Variants in ATP8A1 observed in about 807,000 individuals in gnomAD.
ATP8A1 encodes phospholipid-transporting ATPase IA.
In ATP8A1, 90 loss-of-function variants were observed where a neutral mutation model predicts 177.7. The observed-to-expected ratio is 0.51, with a 90% confidence interval of 0.43 to 0.60. The LOEUF is 0.60. Among genes scored for constraint, ATP8A1 ranks in the 20% least tolerant of loss-of-function variants. ATP8A1 has a pLI of 0.00. For missense variants in ATP8A1, 1,072 were observed against 1,392.8 expected (o/e 0.77, Z 3.67); for synonymous variants, 493 against 485.9 (o/e 1.01, Z -0.19).
In ATP8A1 at chr4:42,627,038, T is replaced by A. The variant is rs777718313; in HGVS notation, c.121A>T (p.Ile41Phe). The A allele has an allele frequency of 5.6e-6, 9 of 1,614,132 alleles. No individual in the cohort carries two copies. The highest frequency in any genetic ancestry group is 5.5e-5 in the South Asian group (5 of 91,074). The change falls in exon 2 of 37, where the codon ATC becomes TTC. Residue 41 changes from isoleucine (I) to phenylalanine (F), a missense_variant. By Grantham distance (21) the Ile-to-Phe change is conservative (BLOSUM62 0). Coordinates refer to ENST00000381668, the MANE Select transcript of ATP8A1 (RefSeq NM_006095.2). ...ADQEEVRTIF[I>F]NQPQLTKFCN... is the part of the protein sequence containing the mutation. Reference sequence around the variant, plus strand: ...AATTTTGTCAGCTGGGGCTGGTTGATGAAAATAGTCCTTACTTCCTCCTGG... The same window carrying A: ...AATTTTGTCAGCTGGGGCTGGTTGAAGAAAATAGTCCTTACTTCCTCCTGG...
intron 20 of ATP8A1, among the ~76,000 whole-genome samples, chr4:42,528,210 A>G (rs1037773248): frequency 9.9e-5 from 15 of 152,280 alleles, no homozygotes; most frequent in Admixed American, 9.2e-4. Context: ...TGGCATAGAC[A>G]TACTTAGCAA....
At chr4:42,656,581 C>T (rs1480381596) in intron 1 of ATP8A1, among the ~76,000 whole-genome samples, 2 of 152,102 alleles carry the variant, frequency 1.3e-5, no homozygotes, top group Non-Finnish European at 2.9e-5. Flanking sequence ...GGTCACACTG[C>T]GGTGCAAAGC....
Position 42,600,449 on chromosome 4 carries a change from C to T in ATP8A1, c.450+29G>A, listed in dbSNP as rs374138844. The T allele has an allele frequency of 2.1e-5, 33 of 1,592,272 alleles. No individual in the cohort carries two copies. The Admixed American group carries it at 5.7e-4, about 27-fold the overall frequency. ...GAGTACACCGCTATGTATTTCTTCTCCTGGAACAAAATAAAAATCAGTGCA... is the reference window on the plus strand; with the variant it reads ...GAGTACACCGCTATGTATTTCTTCTTCTGGAACAAAATAAAAATCAGTGCA... On this transcript the variant is annotated intron_variant, in intron 6 of 36. Transcript: ENST00000381668.
At chr4:42,506,707 G>A (rs1277227365) in intron 23 of ATP8A1, among the ~76,000 whole-genome samples, 2 of 152,294 alleles carry the variant, frequency 1.3e-5, no homozygotes, top group South Asian at 4.1e-4. Context: ...AAAACATGGG[G>A]ATTAACATAG....
At chr4:42,569,313 G>T in intron 14 of ATP8A1, 108 bp from the exon 15 acceptor site, 2 of 745,754 alleles carry the variant, frequency 2.7e-6, no homozygotes, top group Non-Finnish European at 4.2e-6. Flanking sequence ...TCACTGAAAA[G>T]TTAACAAAAT....
intron 10 of ATP8A1, among the ~76,000 whole-genome samples, chr4:42,581,401 G>A (rs969303220): frequency 1.3e-5 from 2 of 152,166 alleles, no homozygotes; most frequent in Non-Finnish European, 2.9e-5. Flanking sequence ...CCAAAGTGCT[G>A]GGATTACAGG....
chr4:42,571,462 A>AT (rs1731895957), intron 14 of ATP8A1, among the ~76,000 whole-genome samples: 2 of 139,724 alleles, frequency 1.4e-5, no homozygotes, highest in Non-Finnish European at 1.6e-5. Context: ...AAAAGGTCTA[A>AT]ATTTTTTTTT....
chr4:42,435,163 C>T (rs886942882), intron 33 of ATP8A1, among the ~76,000 whole-genome samples: 4 of 152,100 alleles, frequency 2.6e-5, no homozygotes, highest in Admixed American at 1.3e-4. Flanking sequence ...TGGTGGCTCA[C>T]GCCTGTAATC....
At chr4:42,603,670 A>G (rs968050102) in intron 5 of ATP8A1, among the ~76,000 whole-genome samples, 1 of 152,146 alleles carries the variant, frequency 6.6e-6, no homozygotes, top group Non-Finnish European at 1.5e-5. Flanking sequence ...TTATGCCTTT[A>G]GCATCTCAAA....
At chr4:42,483,442 C>A (rs933925398) in intron 25 of ATP8A1, among the ~76,000 whole-genome samples, 1 of 151,096 alleles carries the variant, frequency 6.6e-6, no homozygotes, top group African/African-American at 2.4e-5. Context: ...ACCTCATGGT[C>A]TTGAAACATG....
intron 24 of ATP8A1, among the ~76,000 whole-genome samples, chr4:42,497,288 A>G (rs747866382): frequency 1.3e-5 from 2 of 152,206 alleles, no homozygotes; most frequent in Non-Finnish European, 2.9e-5. Flanking sequence ...TTACAGATAC[A>G]CCAGGCGTAC....
At chr4:42,446,554 C>A in intron 31 of ATP8A1, 29 bp downstream of exon 31, 1 of 1,603,196 alleles carries the variant, frequency 6.2e-7, no homozygotes, top group East Asian at 2.2e-5. Context: ...TGATTTTACA[C>A]GCAAACGAGA....
intron 33 of ATP8A1, among the ~76,000 whole-genome samples, chr4:42,430,596 C>T (rs992217040): frequency 6.6e-6 from 1 of 151,786 alleles, no homozygotes; most frequent in Non-Finnish European, 1.5e-5. Flanking sequence ...AGGTATTGAG[C>T]TTAGATATTT....
At chr4:42,554,806 G>GA (rs1046918050) in intron 16 of ATP8A1, among the ~76,000 whole-genome samples, 2 of 152,162 alleles carry the variant, frequency 1.3e-5, no homozygotes, top group African/African-American at 4.8e-5. Flanking sequence ...GCTGCCAAAG[G>GA]AGATTAACAT....
intron 21 of ATP8A1, among the ~76,000 whole-genome samples, chr4:42,523,037 A>G (rs948544004): frequency 6.6e-6 from 1 of 152,200 alleles, no homozygotes. Flanking sequence ...TCCTCTTACT[A>G]GGATATATGA....
chr4:42,417,336 CA>C (rs5857844), intron 35 of ATP8A1, among the ~76,000 whole-genome samples: 89,884 of 144,516 alleles, frequency 0.62, 27,470 homozygotes, highest in Middle Eastern at 0.72. Context: ...TGTGAAAAGA[CA>C]AAAAAAAAAA....
At chr4:42,594,392 T>C in intron 6 of ATP8A1, 1 of 1,250,506 alleles carries the variant, frequency 8.0e-7, no homozygotes, top group Non-Finnish European at 1.2e-6. Context: ...TGGTTAATTA[T>C]CTGCATTGAA....
rs553376856 is a variant in ATP8A1 at position 42,625,411 on chromosome 4, T to C, written c.264+203A>G. The C allele has an allele frequency of 5.2e-5, 22 of 421,216 alleles. 1 individual carries two copies. In the Admixed American group the frequency reaches 5.8e-4, roughly 11 times the overall value. The allele number at this position is 421,216 out of a possible 1,614,324, so 26.1% of individuals were successfully genotyped here. A position where few individuals can be genotyped will look rare whatever the true frequency, so the allele number is the denominator to read the frequency against. ...AACAGTCCTTGCCACATCAAATTTA[T>C]AGAACACCCAAAATAAGCTGATAAA... is the stretch of plus-strand genomic sequence containing the variant. On this transcript the variant is annotated intron_variant, in intron 3 of 36. Coordinates refer to ENST00000381668, the MANE Select transcript of ATP8A1 (RefSeq NM_006095.2).
At chr4:42,447,685 C>T (rs548880197) in intron 30 of ATP8A1, among the ~76,000 whole-genome samples, 45 of 152,254 alleles carry the variant, frequency 3.0e-4, no homozygotes, top group African/African-American at 1.0e-3. Flanking sequence ...TAAGGGCAAA[C>T]TGTATTAGAA....
Sources: gnomAD v4.1 joint callset for allele counts (sites outside exome capture counted in the v4.1 genomes callset) on GRCh38, gnomAD v4.1.1 for gene constraint, MANE v1.5 for transcripts, NCBI Gene and HGNC (gene_info 2026-07-23, HGNC 2026-07-21) for gene names.